Variants in SGCD observed in about 807,000 individuals in gnomAD.
The protein encoded by SGCD is sarcoglycan delta.
Under a neutral mutation model 36.6 loss-of-function variants are expected in SGCD, and 18 were observed. The ratio of observed to expected loss-of-function variants is 0.49; its 90% CI spans 0.34 to 0.73. The LOEUF (loss-of-function observed/expected upper bound fraction) is 0.73. SGCD is among the 30% of genes least tolerant of loss of function. The probability of loss-of-function intolerance (pLI) is 0.01; values close to 1 mark genes in which losing one functional copy is unlikely to be tolerated. For synonymous variants in SGCD, 133 were observed against 130.6 expected, an observed-to-expected ratio of 1.02 and a Z score of -0.12; for missense variants, 387 against 346.7, an observed-to-expected ratio of 1.12 and a Z score of -0.92.
rs1757509824 is a variant in SGCD at position 156,762,092 on chromosome 5, C to T, written c.*2702C>T. 6.6e-6 allele frequency: 1 copy of T among 152,418 alleles called. No homozygotes were observed. Among genetic ancestry groups the T allele is most frequent in the Admixed American group, 6.6e-5 (1 of 15,250 alleles). The allele number at this position is 152,418 out of a possible 1,614,324, so 9.4% of individuals were successfully genotyped here. A position where few individuals can be genotyped will look rare whatever the true frequency, so the allele number is the denominator to read the frequency against. On this transcript the variant is annotated 3_prime_UTR_variant, in exon 9 of 9. Coordinates refer to ENST00000337851, the MANE Select transcript of SGCD (RefSeq NM_000337.6). ...TCAGTGGTCAAGAGAAAAAATTTTA[C>T]CTGAATTCTTGGGGGCCGGCGGGGA...
chr5:156,313,558 C>A (rs1767443885), intron 3 of SGCD, among the ~76,000 whole-genome samples: 1 of 151,992 alleles, frequency 6.6e-6, no homozygotes, highest in Admixed American at 6.6e-5. Flanking sequence ...CCAATTCTAA[C>A]CACAAAACAT....
At position 156,271,628 on chromosome 5, in the gene SGCD, T is replaced by C. The variant is rs556621663; in HGVS notation, c.-43-57906T>C. Among the ~76,000 whole-genome samples, 4 of 152,268 alleles carry C rather than the reference T, an allele frequency of 2.6e-5. No homozygotes were observed. The East Asian group carries it at 7.7e-4, about 29-fold the overall frequency. On this transcript the variant is annotated intron_variant, in intron 3 of 9. Coordinates refer to the SGCD transcript ENST00000517913. ...TCAATTTAGGAATAAAAGAGATGTGTGTGTATGTGTGTGTGTGTGAGAGAG... is the reference window on the plus strand; with the variant it reads ...TCAATTTAGGAATAAAAGAGATGTGCGTGTATGTGTGTGTGTGTGAGAGAG...
At chr5:156,016,502 C>G (rs1250787948) in intron 1 of SGCD, among the ~76,000 whole-genome samples, 1 of 152,078 alleles carries the variant, frequency 6.6e-6, no homozygotes, top group Admixed American at 6.5e-5. Flanking sequence ...TTATCTTTTC[C>G]AACCTGTAGC....
At chr5:155,832,100 G>C in the SGCD span, among the ~76,000 whole-genome samples, 1 of 152,176 alleles carries the variant, frequency 6.6e-6, no homozygotes, top group South Asian at 2.1e-4. Context: ...AAAATCTTAA[G>C]ATATAGTCAA....
intron 3 of SGCD, among the ~76,000 whole-genome samples, chr5:156,173,829 A>G (rs1178973679): frequency 6.6e-6 from 1 of 152,192 alleles, no homozygotes; most frequent in Non-Finnish European, 1.5e-5. Context: ...AAATTAAAAA[A>G]AAAACACTGT....
At chr5:155,820,511 T>A in the SGCD span, among the ~76,000 whole-genome samples, 1 of 151,742 alleles carries the variant, frequency 6.6e-6, no homozygotes, top group African/African-American at 2.4e-5. Flanking sequence ...AATAAAAAAA[T>A]AAATAAATGA....
intron 3 of SGCD, among the ~76,000 whole-genome samples, chr5:156,384,306 T>C (rs1363940655): frequency 6.6e-6 from 1 of 152,244 alleles, no homozygotes; most frequent in African/African-American, 2.4e-5. Context: ...TATAAATCCC[T>C]TCTTCCAGGA....
At chr5:156,248,670 G>A (rs187398796) in intron 3 of SGCD, among the ~76,000 whole-genome samples, 3 of 152,310 alleles carry the variant, frequency 2.0e-5, no homozygotes, top group Admixed American at 1.3e-4. Flanking sequence ...ATTCGAAGAC[G>A]ATAGCAATCC....
chr5:155,960,450 T>C (rs879651976), intron 1 of SGCD, among the ~76,000 whole-genome samples: 6 of 152,090 alleles, frequency 3.9e-5, no homozygotes, highest in Admixed American at 2.6e-4. Flanking sequence ...CAGGCCTGTA[T>C]CTTTCTCCTA....
intron 7 of SGCD, among the ~76,000 whole-genome samples, chr5:156,754,136 ATTT>A (rs1757253622): frequency 6.6e-6 from 1 of 152,132 alleles, no homozygotes; most frequent in Non-Finnish European, 1.5e-5. Flanking sequence ...GGCAGGAGTC[ATTT>A]CTGAGTCTAC....
chr5:156,623,513 G>A (rs947664298), intron 6 of SGCD, among the ~76,000 whole-genome samples: 1 of 152,216 alleles, frequency 6.6e-6, no homozygotes, highest in African/African-American at 2.4e-5. Flanking sequence ...AAAAGAAGCT[G>A]AGCATATGAG....
At chr5:155,748,515 C>T in the SGCD span, among the ~76,000 whole-genome samples, 1 of 152,114 alleles carries the variant, frequency 6.6e-6, no homozygotes, top group Non-Finnish European at 1.5e-5. Flanking sequence ...GTACAAATTG[C>T]TGAGCCCCAC....
intron 3 of SGCD, among the ~76,000 whole-genome samples, chr5:156,317,380 A>G (rs1767546691): frequency 6.6e-6 from 1 of 152,148 alleles, no homozygotes; most frequent in Non-Finnish European, 1.5e-5. Context: ...ACAGTTTAAT[A>G]ACAGGATCTT....
rs1554085601 is a variant in SGCD, at chr5:156,229,282, A to ATATATG, written c.-43-100247_-43-100246insGTATAT. On this transcript the variant is annotated intron_variant, in intron 3 of 9. Coordinates refer to the SGCD transcript ENST00000517913. The stretch of plus-strand genomic sequence containing the variant: ...CATACATATATATATACATACATAT[A>ATATATG]TATATATATATATATATAAAATTAG... Among the ~76,000 whole-genome samples the ATATATG allele has an allele frequency of 7.8e-5, 8 of 103,102 alleles. 1 individual carries two copies. Among genetic ancestry groups the ATATATG allele is most frequent in the Non-Finnish European group, 1.3e-4 (7 of 55,482 alleles). The allele number at this position is 103,102 out of a possible 152,430, so 67.6% of individuals were successfully genotyped here.
At chr5:155,914,149 C>A (rs1337724401) in intron 1 of SGCD, among the ~76,000 whole-genome samples, 1 of 152,126 alleles carries the variant, frequency 6.6e-6, no homozygotes, top group African/African-American at 2.4e-5. Context: ...ACTTCTCATG[C>A]CTTTCACAGT....
At chr5:156,096,076 GAC>G (rs1403081592) in intron 1 of SGCD, among the ~76,000 whole-genome samples, 1 of 152,184 alleles carries the variant, frequency 6.6e-6, no homozygotes, top group Non-Finnish European at 1.5e-5. Context: ...CATTGCCCAA[GAC>G]AAGACAAGAA....
chr5:155,856,983 C>T, the SGCD span, among the ~76,000 whole-genome samples: 2 of 152,160 alleles, frequency 1.3e-5, no homozygotes, highest in Non-Finnish European at 2.9e-5. Flanking sequence ...CCTGTAATCC[C>T]AGTACTTTGG....
intron 3 of SGCD, among the ~76,000 whole-genome samples, chr5:156,379,319 C>T (rs1158532534): frequency 3.3e-5 from 5 of 152,108 alleles, no homozygotes. Flanking sequence ...AGAAAAGCCT[C>T]ACATAGGATA....
the SGCD span, among the ~76,000 whole-genome samples, chr5:155,735,691 C>T: frequency 4.6e-5 from 7 of 152,190 alleles, no homozygotes; most frequent in Non-Finnish European, 8.8e-5. Flanking sequence ...AGCACAATTC[C>T]CAGATGAAGC....
Sources: allele counts gnomAD v4.1 joint callset (sites outside exome capture counted in the v4.1 genomes callset), GRCh38; gene constraint gnomAD v4.1.1; transcripts MANE v1.5; gene names NCBI Gene and HGNC (gene_info 2026-07-23, HGNC 2026-07-21).